MEX3C: variants seen among roughly 807,000 people sequenced by gnomAD.
MEX3C encodes the protein mex-3 RNA binding family member C, also known as RNA-binding E3 ubiquitin-protein ligase MEX3C.
A neutral mutation model predicts 35.5 loss-of-function variants in MEX3C; 15 were observed. That is an observed-to-expected ratio of 0.42 (90% CI 0.28 to 0.65). MEX3C has a LOEUF of 0.65. MEX3C is among the 30% of genes least tolerant of loss of function. The pLI is 0.20. For synonymous variants in MEX3C, 390 were observed against 352.8 expected (o/e 1.11, Z -1.18); for missense variants, 711 against 842.8 (o/e 0.84, Z 1.94).
At chr18:51,187,649 G>C (rs923335528) in intron 1 of MEX3C, among the ~76,000 whole-genome samples, 1 of 151,888 alleles carries the variant, frequency 6.6e-6, no homozygotes, top group Non-Finnish European at 1.5e-5. Flanking sequence ...CGGAGGTTGA[G>C]GTCAGCAGAG....
rs1301546627 is a variant in MEX3C, at chr18:51,179,448, A to G, written c.755-1872T>C. ...TATCCAAAAACACATGGGACCAGGA[A>G]TGTTTGAGATTTTGGAGTATTTGCA... On this transcript the variant is annotated intron_variant, in intron 1 of 1. Transcript: ENST00000406189. Among the ~76,000 whole-genome samples the G allele has an allele frequency of 5.3e-5, 8 of 152,204 alleles. No individual in the cohort carries two copies. In the South Asian group the frequency reaches 1.7e-3, roughly 32 times the overall value.
rs748571635 is a variant in MEX3C at position 51,176,821 on chromosome 18, T to C, written c.1510A>G (p.Thr504Ala). The C allele has an allele frequency of 2.5e-6, 4 of 1,613,894 alleles. No homozygotes were observed. In the East Asian group the frequency reaches 6.7e-5, roughly 27 times the overall value. ...VDSPAFDSLPTSAQTIWTPFE... is the reference protein window; with the variant it reads ...VDSPAFDSLPASAQTIWTPFE... ...GGAGTCCAGATAGTTTGAGCAGATGTTGGTAAAGAGTCAAAGGCAGGAGAG... is the reference window on the plus strand; with the variant it reads ...GGAGTCCAGATAGTTTGAGCAGATGCTGGTAAAGAGTCAAAGGCAGGAGAG... The change falls in exon 2 of 2, where the codon ACA becomes GCA. Residue 504 changes from threonine to alanine, a missense_variant. Around this residue, in one of 4 missense-constraint regions of MEX3C, gnomAD observed 187 missense variants for 201.7 expected, o/e 0.93. Transcript: ENST00000406189.
Position 51,176,311 on chromosome 18 carries a change from A to G in MEX3C, c.*40T>C, listed in dbSNP as rs751187542. ...GTACCATTATACCCATGCCTTTACG[A>G]GTCCATATAGAGATATAGTATTTAT... is the stretch of plus-strand genomic sequence containing the variant. On this transcript the variant is annotated 3_prime_UTR_variant, in exon 2 of 2. Transcript: ENST00000406189. 6.6e-7 allele frequency: 1 copy of G among 1,511,656 alleles called. No individual in the cohort carries two copies. Among genetic ancestry groups the G allele is most frequent in the African/African-American group, 1.4e-5 (1 of 70,798 alleles). The allele number at this position is 1,511,656 out of a possible 1,614,324, so 93.6% of individuals were successfully genotyped here. A position where few individuals can be genotyped will look rare whatever the true frequency, so the allele number is the denominator to read the frequency against.
chr18:51,197,639 C>A lies in MEX3C; in HGVS notation c.-319G>T, dbSNP rs1423127884. ...TTTCATGGCCTTAACCAGCCCCCGGCGCGCGCGGCGGCGGCGGCTACGCCC... is the reference window on the plus strand; with the variant it reads ...TTTCATGGCCTTAACCAGCCCCCGGAGCGCGCGGCGGCGGCGGCTACGCCC... On this transcript the variant is annotated 5_prime_UTR_variant, in exon 1 of 2. Transcript: ENST00000406189. Among the ~76,000 whole-genome samples the A allele has an allele frequency of 6.6e-6, 1 of 151,512 alleles. No homozygotes were observed. The highest frequency in any genetic ancestry group is 1.5e-5 in the Non-Finnish European group (1 of 67,822).
At position 51,174,565 on chromosome 18, in the gene MEX3C, A is replaced by G. The variant is rs1912257836; in HGVS notation, c.*1786T>C. 1 of 152,664 alleles carries G rather than the reference A, an allele frequency of 6.6e-6. No homozygotes were observed. Among genetic ancestry groups the G allele is most frequent in the African/African-American group, 2.4e-5 (1 of 41,464 alleles). 9.5% of individuals were successfully genotyped at this position (152,664 alleles called of 1,614,324 possible). ...GGAGAATACATTCAAGTTAATGGAA[A>G]CAAGTCTTTATTAAGTAACTTTTAA... On this transcript the variant is annotated 3_prime_UTR_variant, in exon 2 of 2. Coordinates refer to ENST00000406189, the MANE Select transcript of MEX3C (RefSeq NM_016626.5).
chr18:51,188,210 CA>C (rs1258060611), intron 1 of MEX3C, among the ~76,000 whole-genome samples: 1 of 152,138 alleles, frequency 6.6e-6, no homozygotes, highest in Non-Finnish European at 1.5e-5. Flanking sequence ...GTTTCATTAT[CA>C]GTATTCATAT....
At position 51,196,782 on chromosome 18, in the gene MEX3C, G is replaced by A; in HGVS notation, c.539C>T (p.Ala180Val). Reference sequence around the variant, plus strand: ...GTACAGCACCCCCGCCGCCGCCGCCGCGGCCGCCGCCTCCCGGGCATCGAA... The same window carrying A: ...GTACAGCACCCCCGCCGCCGCCGCCACGGCCGCCGCCTCCCGGGCATCGAA... ...ARFDAREAAA[A>V]AAAAGVLYGG... Residue 180 changes from alanine (A) to valine (V), a missense_variant, in exon 1 of 2, where the codon GCG becomes GTG. Coordinates refer to ENST00000406189, the MANE Select transcript of MEX3C (RefSeq NM_016626.5). 1 of 525,474 alleles carries A rather than the reference G, an allele frequency of 1.9e-6. No individual in the cohort carries two copies. Among genetic ancestry groups the A allele is most frequent in the African/African-American group, 2.2e-5 (1 of 46,232 alleles). 32.6% of individuals were successfully genotyped at this position (525,474 alleles called of 1,614,324 possible).
At chr18:51,179,080 C>G (rs1009706575) in intron 1 of MEX3C, among the ~76,000 whole-genome samples, 6 of 151,376 alleles carry the variant, frequency 4.0e-5, no homozygotes, top group Non-Finnish European at 8.8e-5. Context: ...CTCGGCTGAC[C>G]GCAACCTCCA....
In MEX3C at chr18:51,196,751, C is replaced by T. The variant is rs1381353495; in HGVS notation, c.570G>A (p.Gly190=). The change falls in exon 1 of 2, where the codon GGG becomes GGA. Residue 190 remains glycine (G), a synonymous_variant. Coordinates refer to ENST00000406189, the MANE Select transcript of MEX3C (RefSeq NM_016626.5). ...CCGCCATCATGCCCTGGGCATCGTC[C>T]CCTCCGTACAGCACCCCCGCCGCCG... The part of the protein sequence containing the change: ...AAAAAGVLYG[G]DDAQGMMAAM... 1.2e-5 allele frequency: 18 copies of T among 1,515,410 alleles called. No individual in the cohort carries two copies. In the East Asian group the frequency reaches 2.7e-4, roughly 23 times the overall value. 93.9% of individuals were successfully genotyped at this position (1,515,410 alleles called of 1,614,324 possible).
intron 1 of MEX3C, chr18:51,193,616 T>C (rs1324321913): frequency 5.3e-5 from 8 of 152,254 alleles, no homozygotes. Flanking sequence ...CTAAAACTTC[T>C]TTGATTATAT....
chr18:51,181,037 A>G (rs1463131117), intron 1 of MEX3C, among the ~76,000 whole-genome samples: 3 of 152,204 alleles, frequency 2.0e-5, no homozygotes, highest in African/African-American at 4.8e-5. Context: ...AAAGGAGAAA[A>G]ACAATCTTGT....
At chr18:51,182,288 T>G (rs997624532) in intron 1 of MEX3C, among the ~76,000 whole-genome samples, 1 of 145,714 alleles carries the variant, frequency 6.9e-6, no homozygotes, top group Non-Finnish European at 1.6e-5. Flanking sequence ...GCATCCCTGT[T>G]GGATAAGGGG....
intron 1 of MEX3C, among the ~76,000 whole-genome samples, chr18:51,186,741 G>C (rs1322315768): frequency 1.3e-5 from 2 of 152,064 alleles, no homozygotes; most frequent in Non-Finnish European, 2.9e-5. Flanking sequence ...AGAATGCAAG[G>C]CTGGGGCTAT....
Position 51,177,308 on chromosome 18 carries a change from C to G in MEX3C, c.1023G>C (p.Val341=). Residue 341 remains valine, a synonymous_variant, in exon 2 of 2, where the codon GTG becomes GTC. Transcript: ENST00000406189. This position sits in a 1 kb window ranked among gnomAD's most constrained non-coding sequence, Gnocchi z 4.2. ...TAATAGTTGCTCCTTTGGGTCCAAC[C>G]ACTAATCCTACCACACGATAAGGGA... ...VRVPYRVVGL[V]VGPKGATIKR... 6.2e-7 allele frequency: 1 copy of G among 1,613,980 alleles called. No homozygotes were observed. Among genetic ancestry groups the G allele is most frequent in the Non-Finnish European group, 8.5e-7 (1 of 1,179,888 alleles).
rs371518420 is a variant in MEX3C, at chr18:51,174,843, A to C, written c.*1508T>G. ...TTTAGAAACAGTACACGCACCTAAT[A>C]TATGTCGATTCCTTGGCTTATTAGT... On this transcript the variant is annotated 3_prime_UTR_variant, in exon 2 of 2. Coordinates refer to ENST00000406189, the MANE Select transcript of MEX3C (RefSeq NM_016626.5). The C allele has an allele frequency of 3.3e-5, 5 of 152,676 alleles. No individual in the cohort carries two copies. In the East Asian group the frequency reaches 9.6e-4, roughly 29 times the overall value. The allele number at this position is 152,676 out of a possible 1,614,324, so 9.5% of individuals were successfully genotyped here.
chr18:51,196,991 C>T lies in MEX3C; in HGVS notation c.330G>A (p.Glu110=). 6.5e-7 allele frequency: 1 copy of T among 1,534,416 alleles called. No individual in the cohort carries two copies. The highest frequency in any genetic ancestry group is 8.7e-7 in the Non-Finnish European group (1 of 1,143,120). Residue 110 remains glutamate (E), a synonymous_variant, in exon 1 of 2, where the codon GAG becomes GAA. Coordinates refer to ENST00000406189, the MANE Select transcript of MEX3C (RefSeq NM_016626.5). ...APEAAELELE[E]DEEEGEEAEL... is the part of the protein sequence containing the mutation. ...CCGCTTCCTCCCCCTCCTCCTCGTCCTCTTCCAGCTCCAGCTCGGCCGCCT... is the reference window on the plus strand; with the variant it reads ...CCGCTTCCTCCCCCTCCTCCTCGTCTTCTTCCAGCTCCAGCTCGGCCGCCT...
chr18:51,183,642 C>A (rs1912474443), intron 1 of MEX3C, among the ~76,000 whole-genome samples: 1 of 152,114 alleles, frequency 6.6e-6, no homozygotes, highest in African/African-American at 2.4e-5. Context: ...GTAAAATTAT[C>A]CAGATTATCT....
At chr18:51,178,207 T>A (rs1004146001) in intron 1 of MEX3C, among the ~76,000 whole-genome samples, 3 of 152,146 alleles carry the variant, frequency 2.0e-5, no homozygotes, top group African/African-American at 7.2e-5. Context: ...ATACTGCAGA[T>A]TGTATGGAAT....
chr18:51,192,330 C>A (rs1912669508), intron 1 of MEX3C, among the ~76,000 whole-genome samples: 1 of 152,154 alleles, frequency 6.6e-6, no homozygotes, highest in Non-Finnish European at 1.5e-5. Context: ...ATTACAGTAA[C>A]TGAACCCTTC....
Sources: gnomAD v4.1 joint callset for allele counts (sites outside exome capture counted in the v4.1 genomes callset) on GRCh38, gnomAD v4.1.1 for gene constraint, gnomAD v4.1.1 regional missense constraint, Gnocchi (gnomAD v3.1) non-coding constraint, MANE v1.5 for transcripts, NCBI Gene and HGNC (gene_info 2026-07-23, HGNC 2026-07-21) for gene names.